The following CABIN1 variants were observed in gnomAD, a reference collection of about 807,000 sequenced individuals.
CABIN1 encodes calcineurin binding protein 1.
In CABIN1, 133 loss-of-function variants were observed where a neutral mutation model predicts 227.7. The observed-to-expected ratio is 0.58, with a 90% CI of 0.51 to 0.67. The LOEUF (loss-of-function observed/expected upper bound fraction) is 0.67. Ranked by LOEUF, CABIN1 falls within the 30% of genes least tolerant of loss-of-function variation. The pLI is 0.00. For missense variants in CABIN1, 2,408 were observed against 2,852.5 expected, an observed-to-expected ratio of 0.84 and a Z score of 3.55; for synonymous variants, 1,086 against 1,155.1, an observed-to-expected ratio of 0.94 and a Z score of 1.21.
intron 27 of CABIN1, among the ~76,000 whole-genome samples, chr22:24,115,028 C>T (rs2043006426): frequency 6.6e-6 from 1 of 152,220 alleles, no homozygotes; most frequent in Non-Finnish European, 1.5e-5. Context: ...CATTCTGTAA[C>T]TGACATAAAC....
chr22:24,067,398 G>A (rs2039764890), intron 16 of CABIN1, among the ~76,000 whole-genome samples: 1 of 152,018 alleles, frequency 6.6e-6, no homozygotes, highest in Non-Finnish European at 1.5e-5. Flanking sequence ...GGTTCTGCGT[G>A]GCTCAGGGTG....
intron 3 of CABIN1, among the ~76,000 whole-genome samples, chr22:24,036,508 C>G (rs1247063883): frequency 6.6e-6 from 1 of 152,022 alleles, no homozygotes; most frequent in Non-Finnish European, 1.5e-5. Flanking sequence ...TTCGAGGTTC[C>G]CTAGTGTATT....
At chr22:24,018,106 C>T (rs1013952325) in intron 1 of CABIN1, among the ~76,000 whole-genome samples, 1 of 152,022 alleles carries the variant, frequency 6.6e-6, no homozygotes, top group Admixed American at 6.6e-5. Flanking sequence ...CCTTTCACCT[C>T]GGCTTCCCAA....
intron 26 of CABIN1, among the ~76,000 whole-genome samples, chr22:24,109,183 C>A (rs1325834566): frequency 3.3e-5 from 5 of 151,620 alleles, no homozygotes. Flanking sequence ...CTTCCAGAGT[C>A]CAGGCTTTCA....
chr22:24,072,332 G>A lies in CABIN1; in HGVS notation c.2476-22G>A, dbSNP rs779427422. On this transcript the variant is annotated intron_variant, in intron 17 of 36. Transcript: ENST00000263119. ...CTTACCCTGCTGTGACACTTCTGCT[G>A]TCTCCCACCCCGCACTGTCAGGTCA... is the stretch of plus-strand genomic sequence containing the variant. 21 of 1,614,036 alleles carry A rather than the reference G, an allele frequency of 1.3e-5. No homozygotes were observed. The Admixed American group carries it at 1.8e-4, about 14-fold the overall frequency.
At position 24,166,042 on chromosome 22, in the gene CABIN1, G is replaced by A. The variant is rs1181185899; in HGVS notation, c.5007+416G>A. ...AGCTGAGCACCTGGAGGAGGCCAGG[G>A]AGGTTAAGCAGCCAGCCTACGAGGT... On this transcript the variant is annotated intron_variant, in intron 31 of 36. Coordinates refer to ENST00000263119, the MANE Select transcript of CABIN1 (RefSeq NM_012295.4). Among the ~76,000 whole-genome samples the A allele has an allele frequency of 3.3e-5, 5 of 152,322 alleles. No homozygotes were observed. The East Asian group carries it at 5.8e-4, about 18-fold the overall frequency.
chr22:24,122,446 G>A (rs949288272), intron 28 of CABIN1, among the ~76,000 whole-genome samples: 3 of 152,020 alleles, frequency 2.0e-5, no homozygotes, highest in Non-Finnish European at 4.4e-5. Context: ...GGTGGTTCAC[G>A]CCTGTAATCC....
chr22:24,098,393 C>T (rs2042020980), intron 26 of CABIN1: 1 of 1,179,568 alleles, frequency 8.5e-7, no homozygotes, highest in Admixed American at 2.1e-5. Context: ...GGGTCGCCAC[C>T]TGCCAGCTTG....
chr22:24,115,646 C>T (rs774685197), intron 27 of CABIN1, among the ~76,000 whole-genome samples: 6 of 152,202 alleles, frequency 3.9e-5, no homozygotes, highest in Non-Finnish European at 7.3e-5. Context: ...CAGTGGTGGT[C>T]TCTAACACGC....
In CABIN1 at chr22:24,073,941, A is replaced by C. The variant is rs180774366; in HGVS notation, c.2632+1431A>C. On this transcript the variant is annotated intron_variant, in intron 18 of 36. Coordinates refer to ENST00000263119, the MANE Select transcript of CABIN1 (RefSeq NM_012295.4). The stretch of plus-strand genomic sequence containing the variant: ...GAACCATCCCCGCTGCTGAACCCTT[A>C]GTTTGGCTGCACTATTTCATTCTTA... 1.7e-3 allele frequency among the ~76,000 whole-genome samples: 258 copies of C among 152,258 alleles called. 2 individuals carry two copies. The highest frequency in any genetic ancestry group is 5.9e-3 in the African/African-American group (246 of 41,554).
chr22:24,100,529 T>A (rs1454709544), intron 26 of CABIN1, among the ~76,000 whole-genome samples: 1 of 152,180 alleles, frequency 6.6e-6, no homozygotes, highest in Non-Finnish European at 1.5e-5. Context: ...AACATGTAGT[T>A]CCTAGTTTCC....
At chr22:24,088,381 G>A (rs2041312792) in intron 23 of CABIN1, among the ~76,000 whole-genome samples, 1 of 152,236 alleles carries the variant, frequency 6.6e-6, no homozygotes, top group Admixed American at 6.5e-5. Context: ...AGACTGAGGC[G>A]GGCGGATCAC....
At chr22:24,170,519 C>T (rs936726540) in intron 33 of CABIN1, among the ~76,000 whole-genome samples, 2 of 152,174 alleles carry the variant, frequency 1.3e-5, no homozygotes, top group Non-Finnish European at 2.9e-5. Context: ...ACTGGTATTG[C>T]CGCAGGCCCG....
intron 28 of CABIN1, among the ~76,000 whole-genome samples, chr22:24,124,604 A>G (rs922895822): frequency 3.3e-5 from 5 of 151,784 alleles, no homozygotes; most frequent in Non-Finnish European, 5.9e-5. Flanking sequence ...CTGGATCACA[A>G]TCTTCACCAA....
chr22:24,056,890 G>A lies in CABIN1; in HGVS notation c.1262+530G>A, dbSNP rs148085788. Among the ~76,000 whole-genome samples the A allele has an allele frequency of 2.7e-4, 41 of 152,270 alleles. No homozygotes were observed. In the South Asian group the frequency reaches 5.4e-3, roughly 20 times the overall value. On this transcript the variant is annotated intron_variant, in intron 10 of 36. Coordinates refer to ENST00000263119, the MANE Select transcript of CABIN1 (RefSeq NM_012295.4). Reference sequence around the variant, plus strand: ...GCAGGAACCAGGCTCCCCAGAGCTGGGAGGGACTTGGTCCCCAGTGCTTCT... The same window carrying A: ...GCAGGAACCAGGCTCCCCAGAGCTGAGAGGGACTTGGTCCCCAGTGCTTCT...
At chr22:24,134,173 C>G in intron 28 of CABIN1, 129 bp from the exon 29 acceptor site, 2 of 699,072 alleles carry the variant, frequency 2.9e-6, no homozygotes, top group Non-Finnish European at 5.2e-6. Context: ...GCTGTGGAAT[C>G]GATGTCTGCA....
At chr22:24,050,216 T>C (rs2038218409) in intron 7 of CABIN1, among the ~76,000 whole-genome samples, 1 of 152,126 alleles carries the variant, frequency 6.6e-6, no homozygotes, top group South Asian at 2.1e-4. Context: ...GGAACATCTG[T>C]CATGAGGGAG....
intron 26 of CABIN1, among the ~76,000 whole-genome samples, chr22:24,102,645 C>T (rs1341260330): frequency 6.6e-6 from 1 of 152,050 alleles, no homozygotes; most frequent in Admixed American, 6.5e-5. Flanking sequence ...GAGGCCTTTC[C>T]GAGGAGGCAA....
chr22:24,017,018 T>TA (rs2035340538), intron 1 of CABIN1, among the ~76,000 whole-genome samples: 1 of 151,650 alleles, frequency 6.6e-6, no homozygotes, highest in South Asian at 2.1e-4. Context: ...TGTGATAAAA[T>TA]ATAAGCAACA....
Sources: gnomAD v4.1 joint callset for allele counts (sites outside exome capture counted in the v4.1 genomes callset) on GRCh38, gnomAD v4.1.1 for gene constraint, MANE v1.5 for transcripts, NCBI Gene and HGNC (gene_info 2026-07-23, HGNC 2026-07-21) for gene names.